Variants in FYCO1 observed in about 807,000 individuals in gnomAD.
FYCO1 encodes FYVE and coiled-coil domain autophagy adaptor 1, also known as FYVE and coiled-coil domain-containing protein 1.
Under a neutral mutation model 165.1 loss-of-function variants are expected in FYCO1, and 122 were observed. The ratio of observed to expected loss-of-function variants is 0.74; its 90% CI spans 0.64 to 0.86. FYCO1 has a LOEUF of 0.86. FYCO1 is among the 40% of genes least tolerant of loss of function. The pLI is 0.00. For synonymous variants in FYCO1, 648 were observed against 742.5 expected (o/e 0.87, Z 2.07); for missense variants, 1,702 against 1,810.3 (o/e 0.94, Z 1.09).
chr3:45,968,655 CGTT>C lies in FYCO1; in HGVS notation c.676_678del (p.Asn226del). 1 of 1,614,178 alleles carries C rather than the reference CGTT, an allele frequency of 6.2e-7. No individual in the cohort carries two copies. The highest frequency in any genetic ancestry group is 1.1e-5 in the South Asian group (1 of 91,086). ...ATCTCATCAAAGCCCTCCAATGCCT[CGTT>C]GTTTAGGGGGCTGTTCAGGTCAAAG... is the stretch of plus-strand genomic sequence containing the variant. On this transcript the variant is annotated inframe_deletion, in exon 8 of 18. Coordinates refer to ENST00000296137, the MANE Select transcript of FYCO1 (RefSeq NM_024513.4).
intron 1 of FYCO1, among the ~76,000 whole-genome samples, chr3:45,994,752 C>T (rs1350374284): frequency 6.6e-6 from 1 of 151,324 alleles, no homozygotes; most frequent in Non-Finnish European, 1.5e-5. Context: ...GGCAGGAGAA[C>T]CAGTGAGCAG....
At chr3:45,994,217 GCA>G (rs1707689708) in intron 1 of FYCO1, among the ~76,000 whole-genome samples, 1 of 77,246 alleles carries the variant, frequency 1.3e-5, no homozygotes, top group Non-Finnish European at 3.2e-5. Context: ...TAAAGTAACT[GCA>G]AAAAAAAAAA....
At chr3:45,953,660 T>G (rs1236698023) in intron 14 of FYCO1, among the ~76,000 whole-genome samples, 1 of 152,218 alleles carries the variant, frequency 6.6e-6, no homozygotes, top group African/African-American at 2.4e-5. Flanking sequence ...CTGCTCTGCC[T>G]GTGTAAGCTA....
At chr3:45,973,320 C>G (rs1217277473) in intron 5 of FYCO1, 89 bp from the exon 6 acceptor site, 5 of 1,303,938 alleles carry the variant, frequency 3.8e-6, no homozygotes, top group Non-Finnish European at 5.5e-6. Flanking sequence ...TCATCGAATT[C>G]CAACTCAGGT....
intron 14 of FYCO1, among the ~76,000 whole-genome samples, chr3:45,942,973 C>T (rs1321523605): frequency 2.6e-5 from 4 of 152,148 alleles, no homozygotes; most frequent in African/African-American, 9.7e-5. Flanking sequence ...GCTGTGTGCA[C>T]CAGGGCTTGT....
chr3:45,947,398 T>C (rs1481257962), intron 14 of FYCO1: 15 of 1,614,104 alleles, frequency 9.3e-6, no homozygotes, highest in Non-Finnish European at 1.2e-5. Flanking sequence ...GTGAAGGACA[T>C]TGGTTGCCTC....
chr3:45,944,216 G>GTGTA lies in FYCO1; in HGVS notation c.3945-7674_3945-7673insTACA, dbSNP rs1553622609. On this transcript the variant is annotated intron_variant, in intron 14 of 17. Transcript: ENST00000296137. The stretch of plus-strand genomic sequence containing the variant: ...TGTGTCTGTGTGTGTGTGTGTGTGT[G>GTGTA]TATATATATATACATTATTTCTGAG... 2.1e-5 allele frequency among the ~76,000 whole-genome samples: 3 copies of GTGTA among 140,406 alleles called. No homozygotes were observed. In the East Asian group the frequency reaches 5.9e-4, roughly 27 times the overall value. 92.1% of individuals were successfully genotyped at this position (140,406 alleles called of 152,430 possible). A position where few individuals can be genotyped will look rare whatever the true frequency, so the allele number is the denominator to read the frequency against.
rs1439185497 is a variant in FYCO1, at chr3:45,919,315, C to T, written c.*2450G>A. ...AGATGTTTTGTAGCTGCAGAGAGCA[C>T]AGCAAACTTGAGCTTAAACAGCAAC... On this transcript the variant is annotated 3_prime_UTR_variant, in exon 18 of 18. Coordinates refer to ENST00000296137, the MANE Select transcript of FYCO1 (RefSeq NM_024513.4). 1 of 152,228 alleles carries T rather than the reference C, an allele frequency of 6.6e-6. No homozygotes were observed. Among genetic ancestry groups the T allele is most frequent in the Non-Finnish European group, 1.5e-5 (1 of 68,046 alleles). 9.4% of individuals were successfully genotyped at this position (152,228 alleles called of 1,614,324 possible).
chr3:45,964,532 T>C lies in FYCO1; in HGVS notation c.3151-78A>G. The C allele has an allele frequency of 6.3e-7, 1 of 1,597,462 alleles. No homozygotes were observed. The highest frequency in any genetic ancestry group is 2.3e-5 in the East Asian group (1 of 44,262). On this transcript the variant is annotated intron_variant, in intron 9 of 17. Transcript: ENST00000296137. This position sits in a 1 kb window ranked among gnomAD's most constrained non-coding sequence, Gnocchi z 4.1. ...GTACCATAAAGTGGCTGGTGTGCCA[T>C]CCACCCCATCTGGCTGGGTCACTTC...
At chr3:45,943,765 A>C (rs1258049969) in intron 14 of FYCO1, among the ~76,000 whole-genome samples, 1 of 152,192 alleles carries the variant, frequency 6.6e-6, no homozygotes, top group African/African-American at 2.4e-5. Context: ...GCACACAGTT[A>C]GTGCTTGCAG....
At chr3:45,981,811 G>A in intron 2 of FYCO1, 135 bp from the exon 3 acceptor site, 4 of 701,976 alleles carry the variant, frequency 5.7e-6, no homozygotes, top group Non-Finnish European at 1.0e-5. Context: ...GGGTATGTAA[G>A]TATCCATGAG....
Position 45,923,675 on chromosome 3 carries a change from A to C in FYCO1, c.4342T>G (p.Phe1448Val). Residue 1448 changes from phenylalanine (F) to valine (V), a missense_variant, in exon 17 of 18, where the codon TTC becomes GTC. Transcript: ENST00000296137. ...VRTPGIYMLI[F>V]DNTFSRFVSK... The stretch of plus-strand genomic sequence containing the variant: ...CCCTACCTTGAGAAGGTATTGTCGA[A>C]GATGAGCATGTAGATGCCGGGTGTG... The C allele has an allele frequency of 6.2e-7, 1 of 1,613,506 alleles. No individual in the cohort carries two copies. Among genetic ancestry groups the C allele is most frequent in the Admixed American group, 1.7e-5 (1 of 60,030 alleles).
At chr3:45,985,580 C>T (rs1327489975) in intron 1 of FYCO1, among the ~76,000 whole-genome samples, 1 of 152,228 alleles carries the variant, frequency 6.6e-6, no homozygotes, top group East Asian at 1.9e-4. Context: ...GGCAGGGTCC[C>T]CTTCGTCGTG....
chr3:45,942,158 C>A (rs903763371), intron 14 of FYCO1, among the ~76,000 whole-genome samples: 3 of 152,238 alleles, frequency 2.0e-5, no homozygotes. Context: ...GATCTTTTAT[C>A]AGGGCCCCCT....
intron 14 of FYCO1, among the ~76,000 whole-genome samples, chr3:45,953,450 T>C (rs1705139479): frequency 1.3e-5 from 2 of 152,214 alleles, no homozygotes; most frequent in Admixed American, 6.5e-5. Flanking sequence ...AGGACCTCCT[T>C]TTCTTATGGG....
chr3:45,968,580 G>A lies in FYCO1; in HGVS notation c.754C>T (p.Arg252Cys), dbSNP rs774439678. 32 of 1,613,746 alleles carry A rather than the reference G, an allele frequency of 2.0e-5. No homozygotes were observed. Among genetic ancestry groups the A allele is most frequent in the East Asian group, 6.7e-5 (3 of 44,884 alleles). ...TTCTCTCTGTCCAGCTGCTGCATGC[G>A]CTCCCGTAGCTGCTTCTCCCGCACC... ...LEVREKQLRE[R>C]MQQLDRENQE... Residue 252 changes from arginine (R) to cysteine (C), a missense_variant, in exon 8 of 18, where the codon CGC becomes TGC. Physicochemically the swap from Arg to Cys is radical, Grantham distance 180. Transcript: ENST00000296137.
chr3:45,984,738 C>T, intron 2 of FYCO1, 118 bp downstream of exon 2: 1 of 1,004,880 alleles, frequency 1.0e-6, no homozygotes, highest in South Asian at 1.3e-5. Context: ...GACCTGAGGA[C>T]TCCAATTACT....
chr3:45,930,655 A>G (rs1030437081), intron 16 of FYCO1, among the ~76,000 whole-genome samples: 1 of 152,202 alleles, frequency 6.6e-6, no homozygotes, highest in Non-Finnish European at 1.5e-5. Flanking sequence ...CTCTACTGAC[A>G]CCTTTCCGGG....
intron 14 of FYCO1, among the ~76,000 whole-genome samples, chr3:45,950,294 G>A (rs1704925997): frequency 6.6e-6 from 1 of 152,078 alleles, no homozygotes; most frequent in Admixed American, 6.5e-5. Flanking sequence ...CCCAACACCT[G>A]GGGGTGGCTG....
Sources: allele counts gnomAD v4.1 joint callset (sites outside exome capture counted in the v4.1 genomes callset), GRCh38; gene constraint gnomAD v4.1.1; non-coding constraint Gnocchi (gnomAD v3.1); transcripts MANE v1.5; gene names NCBI Gene and HGNC (gene_info 2026-07-23, HGNC 2026-07-21).